ALLC: variants seen among roughly 807,000 people sequenced by gnomAD.
ALLC encodes the protein probable inactive allantoicase.
Under a neutral mutation model 45.0 loss-of-function variants are expected in ALLC, and 40 were observed. The observed-to-expected ratio is 0.89, with a 90% CI of 0.69 to 1.16. The LOEUF (loss-of-function observed/expected upper bound fraction) is 1.16. ALLC is among the 50% of genes most tolerant of loss of function. The pLI, the probability that ALLC is intolerant of heterozygous loss-of-function variation, is 0.00. For synonymous variants in ALLC, 176 were observed against 178.1 expected (o/e 0.99, Z 0.09); for missense variants, 488 against 493.1 (o/e 0.99, Z 0.10).
At chr2:3,695,656 A>G in intron 7 of ALLC, 61 bp from the exon 8 acceptor site, 1 of 1,589,582 alleles carries the variant, frequency 6.3e-7, no homozygotes, top group Non-Finnish European at 8.6e-7. Flanking sequence ...AGGGTCCTGT[A>G]GTGTATGATA....
chr2:3,665,568 G>T (rs1666683474), intron 1 of ALLC, among the ~76,000 whole-genome samples: 2 of 152,120 alleles, frequency 1.3e-5, no homozygotes, highest in South Asian at 4.1e-4. Flanking sequence ...GTGGTGTTTG[G>T]TTTTCTCTTC....
At chr2:3,679,843 C>T in intron 4 of ALLC, 26 bp from the exon 5 acceptor site, 5 of 1,612,646 alleles carry the variant, frequency 3.1e-6, no homozygotes, top group Non-Finnish European at 4.2e-6. Context: ...CCTAACGAGA[C>T]TGCTCTTGTC....
At chr2:3,689,948 T>C (rs1667428080) in intron 7 of ALLC, among the ~76,000 whole-genome samples, 1 of 46,258 alleles carries the variant, frequency 2.2e-5, no homozygotes, top group Admixed American at 1.6e-4. Context: ...GTGTCTTGTC[T>C]TTTTTTTTTT....
At chr2:3,648,949 C>T in the ALLC span, among the ~76,000 whole-genome samples, 3 of 152,038 alleles carry the variant, frequency 2.0e-5, no homozygotes, top group Non-Finnish European at 2.9e-5. Flanking sequence ...GTAGGGCGGT[C>T]GGCGTGGCAG....
chr2:3,681,740 CTT>C, intron 6 of ALLC, 27 bp downstream of exon 6: 1 of 1,555,904 alleles, frequency 6.4e-7, no homozygotes, highest in South Asian at 1.2e-5. Flanking sequence ...TGAATTGGGT[CTT>C]GTCACCAATT....
intron 7 of ALLC, among the ~76,000 whole-genome samples, chr2:3,693,279 G>A (rs1667569843): frequency 6.6e-6 from 1 of 152,182 alleles, no homozygotes; most frequent in Non-Finnish European, 1.5e-5. Flanking sequence ...GCCAGAAGTG[G>A]TTCTCTGGAA....
In ALLC at chr2:3,680,093, G is replaced by C; in HGVS notation, c.298+99G>C. 1 of 1,537,288 alleles carries C rather than the reference G, an allele frequency of 6.5e-7. No homozygotes were observed. The highest frequency in any genetic ancestry group is 2.3e-5 in the East Asian group (1 of 44,000). Reference sequence around the variant, plus strand: ...AACTGCTCACTTTCCCTACCACCCAGACAGCTTCAGGCGCTTGACTAAGGC... The same window carrying C: ...AACTGCTCACTTTCCCTACCACCCACACAGCTTCAGGCGCTTGACTAAGGC... On this transcript the variant is annotated intron_variant, in intron 5 of 11. Transcript: ENST00000252505. This position sits in a 1 kb window ranked among gnomAD's most constrained non-coding sequence, Gnocchi z 4.0.
At chr2:3,668,565 A>ATTT (rs1666786061) in intron 1 of ALLC, among the ~76,000 whole-genome samples, 2 of 86,268 alleles carry the variant, frequency 2.3e-5, no homozygotes, top group Non-Finnish European at 4.4e-5. Flanking sequence ...AATGTGTATG[A>ATTT]CTTTTTTTTT....
chr2:3,656,122 T>TC (rs1185735469), upstream of ALLC, among the ~76,000 whole-genome samples: 1 of 152,140 alleles, frequency 6.6e-6, no homozygotes, highest in Non-Finnish European at 1.5e-5. Context: ...TGCGCAGGGG[T>TC]CGGGAGGAGC....
At chr2:3,649,231 C>CTG in the ALLC span, among the ~76,000 whole-genome samples, 1 of 151,898 alleles carries the variant, frequency 6.6e-6, no homozygotes, top group African/African-American at 2.4e-5. Context: ...CGAAAAAAGA[C>CTG]CCCAAACACT....
rs1380296111 is a variant in ALLC at position 3,680,755 on chromosome 2, A to C, written c.298+761A>C. On this transcript the variant is annotated intron_variant, in intron 5 of 11. Coordinates refer to ENST00000252505, the MANE Select transcript of ALLC (RefSeq NM_018436.4). This position sits in a 1 kb window ranked among gnomAD's most constrained non-coding sequence, Gnocchi z 4.0. ...GACAACTGAAGGCAGCCTCCAGAAC[A>C]GGGAAGAGGGCGGTGTGCGTCACAG... Among the ~76,000 whole-genome samples, 1 of 152,160 alleles carries C rather than the reference A, an allele frequency of 6.6e-6. No homozygotes were observed. Among genetic ancestry groups the C allele is most frequent in the Non-Finnish European group, 1.5e-5 (1 of 68,026 alleles).
At chr2:3,699,209 C>T (rs1203090068) in intron 10 of ALLC, among the ~76,000 whole-genome samples, 2 of 152,116 alleles carry the variant, frequency 1.3e-5, no homozygotes, top group Non-Finnish European at 2.9e-5. Flanking sequence ...GCCCCAGTGT[C>T]CATGTGTTCC....
At chr2:3,693,373 TATTA>T (rs1667572901) in intron 7 of ALLC, among the ~76,000 whole-genome samples, 1 of 152,248 alleles carries the variant, frequency 6.6e-6, no homozygotes, top group Non-Finnish European at 1.5e-5. Flanking sequence ...CGTTTACTAA[TATTA>T]ATTACTCACT....
chr2:3,682,713 G>A (rs1228701587), intron 6 of ALLC, among the ~76,000 whole-genome samples: 1 of 152,242 alleles, frequency 6.6e-6, no homozygotes, highest in East Asian at 1.9e-4. Flanking sequence ...TTCTAGTACA[G>A]ACGGGGTTTC....
chr2:3,669,489 A>G (rs1437261411), intron 1 of ALLC, among the ~76,000 whole-genome samples: 1 of 150,106 alleles, frequency 6.7e-6, no homozygotes, highest in Non-Finnish European at 1.5e-5. Flanking sequence ...AAACCCTCCC[A>G]AAACAAAAAT....
chr2:3,669,583 G>A (rs1032642124), intron 1 of ALLC, among the ~76,000 whole-genome samples: 4 of 152,198 alleles, frequency 2.6e-5, no homozygotes, highest in Non-Finnish European at 5.9e-5. Flanking sequence ...GGGAGGTGGA[G>A]GTTGCAGTGA....
At position 3,696,308 on chromosome 2, in the gene ALLC, G is replaced by A. The variant is rs534935457; in HGVS notation, c.701G>A (p.Trp234Ter). Residue 234 changes from tryptophan (W) to a stop codon, truncating the protein, a stop_gained, in exon 9 of 12, where the codon TGG (tryptophan) becomes TAG (stop). Coordinates refer to ENST00000252505, the MANE Select transcript of ALLC (RefSeq NM_018436.4). LOFTEE classifies it high-confidence loss of function. Reference protein sequence around the residue: ...VGGAKSMADGWETARRLDRPP... With the variant: ...VGGAKSMADG ...GGGGCAAAGTCTATGGCGGATGGTT[G>A]GGAAACTGCAAGAAGGCTGGACCGG... is the stretch of plus-strand genomic sequence containing the variant. 48 of 1,613,586 alleles carry A rather than the reference G, an allele frequency of 3.0e-5. No individual in the cohort carries two copies. In the East Asian group the frequency reaches 5.6e-4, roughly 19 times the overall value.
At chr2:3,694,172 G>A (rs1433024577) in intron 7 of ALLC, among the ~76,000 whole-genome samples, 4 of 152,186 alleles carry the variant, frequency 2.6e-5, no homozygotes, top group African/African-American at 9.7e-5. Context: ...AATAGTTTCT[G>A]AGTGGAAGCC....
At chr2:3,659,704 G>GC (rs1160962117) in intron 1 of ALLC, among the ~76,000 whole-genome samples, 4 of 152,212 alleles carry the variant, frequency 2.6e-5, no homozygotes, top group Non-Finnish European at 4.4e-5. Flanking sequence ...AGCTCATGGC[G>GC]CAAGAGTCGT....
Sources: allele counts gnomAD v4.1 joint callset (sites outside exome capture counted in the v4.1 genomes callset), GRCh38; gene constraint gnomAD v4.1.1; non-coding constraint Gnocchi (gnomAD v3.1); transcripts MANE v1.5; gene names NCBI Gene and HGNC (gene_info 2026-07-23, HGNC 2026-07-21).